Variants in MAST2 observed in about 807,000 individuals in gnomAD.
MAST2 encodes the protein microtubule associated serine/threonine kinase 2.
Under a neutral mutation model 147.4 loss-of-function variants are expected in MAST2, and 70 were observed. The observed-to-expected ratio is 0.47, with a 90% CI of 0.39 to 0.58. The LOEUF is 0.58. MAST2 is among the 20% of genes least tolerant of loss of function. MAST2 has a pLI of 0.00. For synonymous variants in MAST2, 869 were observed against 896.8 expected (o/e 0.97, Z 0.55); for missense variants, 2,080 against 2,302.3 (o/e 0.90, Z 1.98).
chr1:45,867,145 A>G (rs1399659538), intron 3 of MAST2, among the ~76,000 whole-genome samples: 1 of 152,246 alleles, frequency 6.6e-6, no homozygotes, highest in East Asian at 1.9e-4. Context: ...GAAAAGCAGC[A>G]GTTTAGATTA....
intron 4 of MAST2, among the ~76,000 whole-genome samples, chr1:45,944,692 G>A (rs1028142227): frequency 3.9e-5 from 6 of 152,026 alleles, no homozygotes; most frequent in South Asian, 2.1e-4. Context: ...GAGCCTTCTC[G>A]TCTTCTCCTC....
intron 5 of MAST2, among the ~76,000 whole-genome samples, chr1:45,968,891 G>A (rs1479680193): frequency 2.4e-5 from 3 of 127,410 alleles, no homozygotes; most frequent in Non-Finnish European, 3.4e-5. Context: ...TTTTTTTTTC[G>A]GTCCTTTTTT....
At chr1:45,933,331 G>A (rs142327952) in intron 4 of MAST2, among the ~76,000 whole-genome samples, 83 of 152,150 alleles carry the variant, frequency 5.5e-4, no homozygotes, top group African/African-American at 1.9e-3. Flanking sequence ...TAACACACAT[G>A]TATTTATTTC....
intron 26 of MAST2, among the ~76,000 whole-genome samples, chr1:46,033,394 G>A (rs1345920997): frequency 2.7e-5 from 4 of 150,422 alleles, no homozygotes; most frequent in South Asian, 2.1e-4. Context: ...AGCTGAGATC[G>A]CACCACTGCA....
At chr1:46,016,127 C>G (rs201377643) in intron 10 of MAST2, among the ~76,000 whole-genome samples, 85,995 of 137,644 alleles carry the variant, frequency 0.62, 26,342 homozygotes, top group Non-Finnish European at 0.68. Flanking sequence ...ATTCAACAAC[C>G]CTTCATGCTA....
chr1:45,942,359 A>G (rs1657423884), intron 4 of MAST2, among the ~76,000 whole-genome samples: 2 of 152,072 alleles, frequency 1.3e-5, no homozygotes, highest in Non-Finnish European at 2.9e-5. Context: ...AAAGTTTTTT[A>G]GTTTTCTTCA....
At chr1:45,912,121 A>G (rs573434269) in intron 4 of MAST2, among the ~76,000 whole-genome samples, 1 of 151,974 alleles carries the variant, frequency 6.6e-6, no homozygotes, top group Non-Finnish European at 1.5e-5. Context: ...AGGACCTGCT[A>G]CTGAACTGGG....
At chr1:45,869,996 T>C (rs994011081) in intron 3 of MAST2, among the ~76,000 whole-genome samples, 3 of 152,174 alleles carry the variant, frequency 2.0e-5, no homozygotes, top group Admixed American at 6.5e-5. Flanking sequence ...CAATCTTGGC[T>C]CACTGCAACC....
At chr1:45,857,756 C>T (rs1000893266) in intron 3 of MAST2, among the ~76,000 whole-genome samples, 1 of 151,964 alleles carries the variant, frequency 6.6e-6, no homozygotes, top group Non-Finnish European at 1.5e-5. Flanking sequence ...TCCCCTCCCC[C>T]GACTCCATGA....
intron 16 of MAST2, among the ~76,000 whole-genome samples, chr1:46,026,198 T>C (rs1445751140): frequency 6.6e-6 from 1 of 152,144 alleles, no homozygotes; most frequent in African/African-American, 2.4e-5. Context: ...AGAACTTAAG[T>C]CTACAGTGGG....
At chr1:45,837,505 A>C (rs1245601062) in intron 3 of MAST2, among the ~76,000 whole-genome samples, 1 of 152,158 alleles carries the variant, frequency 6.6e-6, no homozygotes, top group African/African-American at 2.4e-5. Context: ...AGACTTTTCC[A>C]TTCCCTAGTT....
At chr1:45,914,428 C>A (rs1652149991) in intron 4 of MAST2, among the ~76,000 whole-genome samples, 1 of 151,986 alleles carries the variant, frequency 6.6e-6, no homozygotes, top group Non-Finnish European at 1.5e-5. Context: ...AAGAAGGCTT[C>A]CTCTTCAGGG....
At chr1:45,909,870 T>C (rs1473701845) in intron 4 of MAST2, among the ~76,000 whole-genome samples, 1 of 151,992 alleles carries the variant, frequency 6.6e-6, no homozygotes, top group Non-Finnish European at 1.5e-5. Flanking sequence ...TGGAGTGCAG[T>C]GGTGCCGTCT....
At chr1:45,883,913 C>CCTCCCCCCCCCCCCCA (rs72200782) in intron 4 of MAST2, among the ~76,000 whole-genome samples, 1 of 35,020 alleles carries the variant, frequency 2.9e-5, no homozygotes, top group Non-Finnish European at 6.0e-5. Context: ...ACTATTTCTG[C>CCTCCCCCCCCCCCCCA]CCCCCCCGCT....
At chr1:45,931,454 C>T (rs1366285682) in intron 4 of MAST2, among the ~76,000 whole-genome samples, 1 of 141,784 alleles carries the variant, frequency 7.1e-6, no homozygotes, top group Non-Finnish European at 1.5e-5. Context: ...CAGTCACTAC[C>T]TCCTGGGCTC....
chr1:45,975,164 G>A (rs1307241952), intron 5 of MAST2, among the ~76,000 whole-genome samples: 1 of 152,146 alleles, frequency 6.6e-6, no homozygotes, highest in Non-Finnish European at 1.5e-5. Flanking sequence ...GGACAGTCAA[G>A]TTGCAACCTG....
intron 1 of MAST2, among the ~76,000 whole-genome samples, chr1:45,808,811 T>C (rs1237826442): frequency 1.3e-5 from 2 of 152,098 alleles, no homozygotes; most frequent in Non-Finnish European, 2.9e-5. Flanking sequence ...TTTCTCCTTA[T>C]TCATATACCT....
At chr1:46,003,322 ATTG>A (rs1221980933) in intron 7 of MAST2, among the ~76,000 whole-genome samples, 1 of 152,104 alleles carries the variant, frequency 6.6e-6, no homozygotes, top group African/African-American at 2.4e-5. Context: ...GGGAAGAGTG[ATTG>A]TTATTTGATA....
At chr1:45,968,297 A>G (rs559414386) in intron 5 of MAST2, among the ~76,000 whole-genome samples, 42 of 152,314 alleles carry the variant, frequency 2.8e-4, no homozygotes, top group African/African-American at 9.9e-4. Flanking sequence ...TGTTTCATGT[A>G]GAGTTCACTT....
Sources: allele counts gnomAD v4.1 joint callset (sites outside exome capture counted in the v4.1 genomes callset), GRCh38; gene constraint gnomAD v4.1.1; transcripts MANE v1.5; gene names NCBI Gene and HGNC (gene_info 2026-07-23, HGNC 2026-07-21).